PIEZO2: variants seen among roughly 807,000 people sequenced by gnomAD.
PIEZO2 encodes the protein piezo-type mechanosensitive ion channel component 2.
In PIEZO2, 172 loss-of-function variants were observed where a neutral mutation model predicts 337.3. The observed-to-expected ratio is 0.51, with a 90% CI of 0.45 to 0.58. PIEZO2 has a LOEUF of 0.58. PIEZO2 is among the 20% of genes least tolerant of loss of function. PIEZO2 has a pLI of 0.00. For synonymous variants in PIEZO2, 1,251 were observed against 1,228.5 expected (o/e 1.02, Z -0.38); for missense variants, 3,028 against 3,391.3 (o/e 0.89, Z 2.66).
In PIEZO2 at chr18:11,137,980, G is replaced by A. The variant is rs1396258985; in HGVS notation, c.64+10545C>T. On this transcript the variant is annotated intron_variant, in intron 1 of 55. Transcript: ENST00000674853. ...GTTCCCTGCAAAGCAAGTAAAAGGTGTTAATTGCCATCCTGATACAATTCA... is the reference window on the plus strand; with the variant it reads ...GTTCCCTGCAAAGCAAGTAAAAGGTATTAATTGCCATCCTGATACAATTCA... Among the ~76,000 whole-genome samples, 3 of 152,182 alleles carry A rather than the reference G, an allele frequency of 2.0e-5. No individual in the cohort carries two copies. The East Asian group carries it at 5.8e-4, about 29-fold the overall frequency.
chr18:10,690,991 G>T (rs942152912), intron 48 of PIEZO2, among the ~76,000 whole-genome samples: 1 of 152,124 alleles, frequency 6.6e-6, no homozygotes, highest in Non-Finnish European at 1.5e-5. Flanking sequence ...AATTATGCAG[G>T]ATACTAACCC....
At position 10,888,760 on chromosome 18, in the gene PIEZO2, C is replaced by A. The variant is rs141028577; in HGVS notation, c.330-17345G>T. ...ATCCTTAATATATTTAGTTAAGTTC[C>A]CCATCAGTGATTTGTTTAATGTAAC... On this transcript the variant is annotated intron_variant, in intron 4 of 55. Transcript: ENST00000674853. The surrounding 1 kb of genome is among the most constrained non-coding windows in gnomAD (Gnocchi z 4.1). Among the ~76,000 whole-genome samples the A allele has an allele frequency of 1.5e-3, 233 of 151,868 alleles. No homozygotes were observed. The highest frequency in any genetic ancestry group is 5.0e-3 in the African/African-American group (207 of 41,368).
chr18:11,095,974 C>G (rs1032791172), intron 1 of PIEZO2, among the ~76,000 whole-genome samples: 2 of 152,196 alleles, frequency 1.3e-5, no homozygotes, highest in African/African-American at 4.8e-5. Context: ...GGAGAAATAT[C>G]ACTTCTTCCA....
At chr18:10,754,400 G>A (rs763241665) in intron 27 of PIEZO2, among the ~76,000 whole-genome samples, 25 of 152,212 alleles carry the variant, frequency 1.6e-4, no homozygotes, top group African/African-American at 5.8e-4. Context: ...AAGCATGTGC[G>A]CTGGCTTCCT....
intron 5 of PIEZO2, among the ~76,000 whole-genome samples, chr18:10,857,564 G>A (rs996671314): frequency 2.6e-5 from 4 of 152,064 alleles, no homozygotes; most frequent in African/African-American, 9.7e-5. Context: ...TTACAGAGTT[G>A]GCCACCAAGG....
chr18:11,034,984 A>G (rs2036874857), intron 2 of PIEZO2, among the ~76,000 whole-genome samples: 1 of 152,258 alleles, frequency 6.6e-6, no homozygotes, highest in Admixed American at 6.5e-5. Context: ...CACCAACGTT[A>G]GGAATGAGTC....
rs1194598898 is a variant in PIEZO2 at position 10,682,968 on chromosome 18, A to T, written c.7498-676T>A. Among the ~76,000 whole-genome samples, 1 of 152,178 alleles carries T rather than the reference A, an allele frequency of 6.6e-6. No homozygotes were observed. Among genetic ancestry groups the T allele is most frequent in the African/African-American group, 2.4e-5 (1 of 41,446 alleles). ...ATATAGATTCATGAAGGACCCACTA[A>T]GCCCCCTGCTTAAAGACTATGGACA... On this transcript the variant is annotated intron_variant, in intron 49 of 55. Transcript: ENST00000674853. This position sits in a 1 kb window ranked among gnomAD's most constrained non-coding sequence, Gnocchi z 5.6.
At chr18:11,072,762 G>A (rs2038390815) in intron 1 of PIEZO2, among the ~76,000 whole-genome samples, 1 of 152,194 alleles carries the variant, frequency 6.6e-6, no homozygotes, top group South Asian at 2.1e-4. Context: ...TCTTCAAGAA[G>A]TGCATGACCT....
intron 3 of PIEZO2, among the ~76,000 whole-genome samples, chr18:10,935,827 G>C (rs116290069): frequency 6.6e-6 from 1 of 152,148 alleles, no homozygotes; most frequent in East Asian, 1.9e-4. Flanking sequence ...GCAACGCTCC[G>C]GCAGTGGCTG....
rs957518227 is a variant in PIEZO2 at position 10,670,564 on chromosome 18, T to A, written c.*963A>T. 2.0e-5 allele frequency: 3 copies of A among 152,206 alleles called. No homozygotes were observed. Among genetic ancestry groups the A allele is most frequent in the Non-Finnish European group, 2.9e-5 (2 of 68,054 alleles). The allele number at this position is 152,206 out of a possible 1,614,324, so 9.4% of individuals were successfully genotyped here. On this transcript the variant is annotated 3_prime_UTR_variant, in exon 56 of 56. Transcript: ENST00000674853. The stretch of plus-strand genomic sequence containing the variant: ...GAATTGGAATATGTAAACTCTTTGA[T>A]ATACCTGAAAAACAGGAAGGAAAAT...
Position 11,028,611 on chromosome 18 carries a change from GA to G in PIEZO2, c.160+37515del, listed in dbSNP as rs2036623003. On this transcript the variant is annotated intron_variant, in intron 2 of 55. Transcript: ENST00000674853. This position sits in a 1 kb window ranked among gnomAD's most constrained non-coding sequence, Gnocchi z 4.8. ...TTGACACTGTCCTTCAGCTTTATCT[GA>G]ACACCCCCATAACAATGTGTGACTA... Among the ~76,000 whole-genome samples the G allele has an allele frequency of 2.0e-5, 3 of 152,118 alleles. No homozygotes were observed. The highest frequency in any genetic ancestry group is 4.4e-5 in the Non-Finnish European group (3 of 68,042).
rs1358554033 is a variant in PIEZO2, at chr18:11,110,267, GCCT to G, written c.64+38255_64+38257del. ...CAAAGTGCTGGGACTACAGGTGCAAGCCTCCTCATTTTTCTAATAAACATACAC... is the reference window on the plus strand; with the variant it reads ...CAAAGTGCTGGGACTACAGGTGCAAGCCTCATTTTTCTAATAAACATACAC... On this transcript the variant is annotated intron_variant, in intron 1 of 55. Transcript: ENST00000674853. The surrounding 1 kb of genome is among the most constrained non-coding windows in gnomAD (Gnocchi z 4.2). 6.6e-6 allele frequency among the ~76,000 whole-genome samples: 1 copy of G among 152,178 alleles called. No individual in the cohort carries two copies. Among genetic ancestry groups the G allele is most frequent in the African/African-American group, 2.4e-5 (1 of 41,428 alleles).
intron 35 of PIEZO2, among the ~76,000 whole-genome samples, chr18:10,734,540 C>G (rs2036921126): frequency 6.6e-6 from 1 of 152,190 alleles, no homozygotes. Context: ...TGACTGAGTT[C>G]AGGAGAAAGG....
chr18:10,856,972 T>C lies in PIEZO2; in HGVS notation c.703+29A>G. On this transcript the variant is annotated intron_variant, in intron 6 of 55. Coordinates refer to ENST00000674853, the MANE Select transcript of PIEZO2 (RefSeq NM_001378183.1). This position sits in a 1 kb window ranked among gnomAD's most constrained non-coding sequence, Gnocchi z 4.7. ...CCAAAGCACTGCTTGTGCCTTTTGCTACGTGCAGCCAGTGTGGGAGACACT... is the reference window on the plus strand; with the variant it reads ...CCAAAGCACTGCTTGTGCCTTTTGCCACGTGCAGCCAGTGTGGGAGACACT... The C allele has an allele frequency of 6.5e-7, 1 of 1,530,534 alleles. No homozygotes were observed. The highest frequency in any genetic ancestry group is 8.8e-7 in the Non-Finnish European group (1 of 1,141,078). 94.8% of individuals were successfully genotyped at this position (1,530,534 alleles called of 1,614,324 possible). A position where few individuals can be genotyped will look rare whatever the true frequency, so the allele number is the denominator to read the frequency against.
intron 2 of PIEZO2, among the ~76,000 whole-genome samples, chr18:11,059,929 T>A (rs2037877193): frequency 6.6e-6 from 1 of 152,126 alleles, no homozygotes; most frequent in Non-Finnish European, 1.5e-5. Flanking sequence ...TACAGAAGTC[T>A]CCACCCCAAA....
intron 55 of PIEZO2, 99 bp from the exon 56 acceptor site, chr18:10,671,878 C>A: frequency 8.9e-7 from 1 of 1,129,854 alleles, no homozygotes. Context: ...CCCTCAAATT[C>A]TGTAGAAGAA....
In PIEZO2 at chr18:10,795,346, ATTTTATTATT is replaced by A. The variant is rs1488666426; in HGVS notation, c.1528-354_1528-345del. Among the ~76,000 whole-genome samples, 3 of 21,500 alleles carry A rather than the reference ATTTTATTATT, an allele frequency of 1.4e-4. No individual in the cohort carries two copies. The highest frequency in any genetic ancestry group is 3.0e-4 in the African/African-American group (2 of 6,720). 14.1% of individuals were successfully genotyped at this position (21,500 alleles called of 152,430 possible). On this transcript the variant is annotated intron_variant, in intron 12 of 55. Coordinates refer to ENST00000674853, the MANE Select transcript of PIEZO2 (RefSeq NM_001378183.1). The surrounding 1 kb of genome is among the most constrained non-coding windows in gnomAD (Gnocchi z 4.4). ...ATTTTATTTTATTTTATTTTATTTTATTTTATTATTTTATTTTATTTTATTTTATTTTATT... is the reference window on the plus strand; with the variant it reads ...ATTTTATTTTATTTTATTTTATTTTATTATTTTATTTTATTTTATTTTATT...
Position 11,048,586 on chromosome 18 carries a change from T to C in PIEZO2, c.160+17541A>G, listed in dbSNP as rs1464863793. Among the ~76,000 whole-genome samples the C allele has an allele frequency of 6.6e-6, 1 of 152,260 alleles. No individual in the cohort carries two copies. Among genetic ancestry groups the C allele is most frequent in the African/African-American group, 2.4e-5 (1 of 41,470 alleles). ...CCTCACTATTAATTTTATAGTAAGA[T>C]ACAGCAGAATGAGGGAAATGCTTAT... On this transcript the variant is annotated intron_variant, in intron 2 of 55. Coordinates refer to ENST00000674853, the MANE Select transcript of PIEZO2 (RefSeq NM_001378183.1). The surrounding 1 kb of genome is among the most constrained non-coding windows in gnomAD (Gnocchi z 4.5).
rs879902278 is a variant in PIEZO2 at position 10,795,369 on chromosome 18, ATTTTATTTTATTTTATTTTATTTTAT to A, written c.1528-393_1528-368del. On this transcript the variant is annotated intron_variant, in intron 12 of 55. Transcript: ENST00000674853. The surrounding 1 kb of genome is among the most constrained non-coding windows in gnomAD (Gnocchi z 4.4). ...TTATTTTATTATTTTATTTTATTTT[ATTTTATTTTATTTTATTTTATTTTAT>A]TTTATTTTATTTTATTCAGCTCTAT... 0.076 allele frequency among the ~76,000 whole-genome samples: 3,795 copies of A among 49,698 alleles called. 119 individuals are homozygous for A. Among genetic ancestry groups the A allele is most frequent in the Non-Finnish European group, 0.086 (1,845 of 21,334 alleles). The allele number at this position is 49,698 out of a possible 152,430, so 32.6% of individuals were successfully genotyped here. A position where few individuals can be genotyped will look rare whatever the true frequency, so the allele number is the denominator to read the frequency against.
Sources: allele counts gnomAD v4.1 joint callset (sites outside exome capture counted in the v4.1 genomes callset), GRCh38; gene constraint gnomAD v4.1.1; non-coding constraint Gnocchi (gnomAD v3.1); transcripts MANE v1.5; gene names NCBI Gene and HGNC (gene_info 2026-07-23, HGNC 2026-07-21).